Variants in SLC9C1 observed in about 807,000 individuals in gnomAD.
SLC9C1 encodes the protein sodium/hydrogen exchanger 10.
In SLC9C1, 97 loss-of-function variants were observed where a neutral mutation model predicts 140.9. The observed-to-expected ratio is 0.69, with a 90% confidence interval of 0.58 to 0.82. SLC9C1 has a LOEUF of 0.82. SLC9C1 is among the 40% of genes least tolerant of loss of function. The pLI is 0.00. For missense variants in SLC9C1, 1,340 were observed against 1,389.3 expected, an observed-to-expected ratio of 0.96 and a Z score of 0.56; for synonymous variants, 440 against 442.6, an observed-to-expected ratio of 0.99 and a Z score of 0.07.
At chr3:112,242,767 G>C (rs528438735) in intron 11 of SLC9C1, among the ~76,000 whole-genome samples, 1 of 151,846 alleles carries the variant, frequency 6.6e-6, no homozygotes, top group East Asian at 1.9e-4. Context: ...TTCTATACCC[G>C]TATCAAAATA....
At chr3:112,207,985 C>A (rs1388603255) in intron 16 of SLC9C1, among the ~76,000 whole-genome samples, 193 bp downstream of exon 16, 4 of 152,126 alleles carry the variant, frequency 2.6e-5, no homozygotes, top group African/African-American at 9.7e-5. Context: ...AATACAAAAT[C>A]AGTGCTTCAA....
intron 7 of SLC9C1, 93 bp from the exon 8 acceptor site, chr3:112,266,433 G>A: frequency 2.1e-6 from 2 of 968,864 alleles, no homozygotes; most frequent in Non-Finnish European, 3.0e-6. Flanking sequence ...TGTTGTGACA[G>A]TACCATGACT....
Position 112,280,910 on chromosome 3 carries a change from C to T in SLC9C1, c.89-127G>A. On this transcript the variant is annotated intron_variant, in intron 2 of 28. Coordinates refer to ENST00000305815, the MANE Select transcript of SLC9C1 (RefSeq NM_183061.3). ...CACTACTTTTCATGAGTTTAAAATCCTCCCTCACACTTATCAGCACACAGA... is the reference window on the plus strand; with the variant it reads ...CACTACTTTTCATGAGTTTAAAATCTTCCCTCACACTTATCAGCACACAGA... 6.1e-6 allele frequency: 4 copies of T among 650,794 alleles called. 1 individual carries two copies. The highest frequency in any genetic ancestry group is 5.8e-5 in the South Asian group (3 of 52,046). 40.3% of individuals were successfully genotyped at this position (650,794 alleles called of 1,614,324 possible).
At chr3:112,170,273 A>G (rs1374610830) in intron 23 of SLC9C1, among the ~76,000 whole-genome samples, 2 of 152,220 alleles carry the variant, frequency 1.3e-5, no homozygotes, top group Admixed American at 1.3e-4. Context: ...TATGCGTCTG[A>G]CAATGGACCA....
intron 10 of SLC9C1, among the ~76,000 whole-genome samples, chr3:112,259,906 C>G (rs4682390): frequency 0.3 from 45,036 of 151,984 alleles, 7,223 homozygotes; most frequent in East Asian, 0.43. Flanking sequence ...TTAGAAAATT[C>G]CCTTCTATTC....
chr3:112,276,627 AG>A lies in SLC9C1; in HGVS notation c.484+1067del, dbSNP rs541999416. 5.8e-3 allele frequency among the ~76,000 whole-genome samples: 881 copies of A among 152,190 alleles called. 12 individuals are homozygous for A. Among genetic ancestry groups the A allele is most frequent in the Admixed American group, 0.013 (202 of 15,252 alleles). On this transcript the variant is annotated intron_variant, in intron 5 of 28. Transcript: ENST00000305815. ...TTCGTAAATTAAGTTCAATAGCAGC[AG>A]GATAGAAAATCAGTGGAATACTAGA... is the stretch of plus-strand genomic sequence containing the variant.
At chr3:112,281,452 G>A (rs760346799) in intron 2 of SLC9C1, among the ~76,000 whole-genome samples, 9 of 152,180 alleles carry the variant, frequency 5.9e-5, no homozygotes, top group Non-Finnish European at 1.3e-4. Flanking sequence ...TTGGCTGCAG[G>A]TATGTGATCC....
chr3:112,148,687 A>C (rs1185266633), intron 28 of SLC9C1, among the ~76,000 whole-genome samples: 4 of 152,300 alleles, frequency 2.6e-5, no homozygotes, highest in Non-Finnish European at 5.9e-5. Context: ...TTACTGGCAG[A>C]AACTATTGTT....
chr3:112,211,505 C>T (rs2078203859), intron 15 of SLC9C1, among the ~76,000 whole-genome samples: 1 of 152,232 alleles, frequency 6.6e-6, no homozygotes, highest in Non-Finnish European at 1.5e-5. Flanking sequence ...GTCACTCCCA[C>T]CCTAATACTG....
At chr3:112,159,292 C>T (rs889906382) in intron 26 of SLC9C1, among the ~76,000 whole-genome samples, 3 of 151,722 alleles carry the variant, frequency 2.0e-5, no homozygotes, top group South Asian at 4.2e-4. Flanking sequence ...TTAAATTTCA[C>T]GTATTTAAAA....
chr3:112,154,995 A>C lies in SLC9C1; in HGVS notation c.3417+2T>G. ...CTTTTAGAAAGGCTGCTTTAAATTT[A>C]CCTCCTTAACATTTCTTTCTTCTTG... On this transcript the variant is annotated splice_donor_variant, in intron 27 of 28. Coordinates refer to ENST00000305815, the MANE Select transcript of SLC9C1 (RefSeq NM_183061.3). LOFTEE classifies it high-confidence loss of function. 6.2e-7 allele frequency: 1 copy of C among 1,609,248 alleles called. No individual in the cohort carries two copies. The highest frequency in any genetic ancestry group is 8.5e-7 in the Non-Finnish European group (1 of 1,178,316).
At chr3:112,168,834 A>C in intron 25 of SLC9C1, 43 bp downstream of exon 25, 2 of 1,479,392 alleles carry the variant, frequency 1.4e-6, no homozygotes, top group Non-Finnish European at 1.8e-6. Flanking sequence ...ATTGTTGGAC[A>C]TATGGCATAT....
At chr3:112,226,971 T>C (rs2078699350) in intron 13 of SLC9C1, among the ~76,000 whole-genome samples, 1 of 151,826 alleles carries the variant, frequency 6.6e-6, no homozygotes, top group South Asian at 2.1e-4. Flanking sequence ...ACAAATAAAT[T>C]AAATCAGAAG....
intron 28 of SLC9C1, among the ~76,000 whole-genome samples, chr3:112,149,222 G>T (rs765553095): frequency 2.6e-5 from 4 of 152,158 alleles, no homozygotes; most frequent in African/African-American, 9.7e-5. Flanking sequence ...AATGCCTGGA[G>T]ATCTGCCTGG....
intron 1 of SLC9C1, among the ~76,000 whole-genome samples, chr3:112,291,200 A>C (rs143701339): frequency 3.9e-5 from 6 of 152,170 alleles, no homozygotes; most frequent in African/African-American, 1.4e-4. Context: ...CATTCTTGAC[A>C]TAGGAGTGGG....
intron 13 of SLC9C1, among the ~76,000 whole-genome samples, chr3:112,227,153 A>G (rs1200697274): frequency 6.6e-6 from 1 of 152,176 alleles, no homozygotes; most frequent in Admixed American, 6.5e-5. Context: ...GAATAGACCA[A>G]TGAAGACTTA....
intron 10 of SLC9C1, among the ~76,000 whole-genome samples, chr3:112,259,029 G>A (rs1277870978): frequency 1.3e-5 from 2 of 152,030 alleles, no homozygotes; most frequent in Non-Finnish European, 2.9e-5. Context: ...CCAGTCACGA[G>A]GTCCCTCCCC....
At chr3:112,189,822 G>A (rs1016512932) in intron 20 of SLC9C1, among the ~76,000 whole-genome samples, 2 of 152,136 alleles carry the variant, frequency 1.3e-5, no homozygotes, top group Non-Finnish European at 1.5e-5. Context: ...ATTACCTTGG[G>A]CAGTATGGCC....
intron 11 of SLC9C1, among the ~76,000 whole-genome samples, 162 bp downstream of exon 11, chr3:112,243,833 G>A (rs1342543494): frequency 6.6e-6 from 1 of 151,986 alleles, no homozygotes; most frequent in Non-Finnish European, 1.5e-5. Flanking sequence ...TAGGACAACA[G>A]GTGTGCACTG....
Sources: allele counts gnomAD v4.1 joint callset (sites outside exome capture counted in the v4.1 genomes callset), GRCh38; gene constraint gnomAD v4.1.1; transcripts MANE v1.5; gene names NCBI Gene and HGNC (gene_info 2026-07-23, HGNC 2026-07-21).